The following LIMCH1 variants were observed in gnomAD, a reference collection of about 807,000 sequenced individuals.
The protein encoded by LIMCH1 is LIM and calponin homology domains 1, also known as LIM and calponin homology domains-containing protein 1.
In LIMCH1, 113 loss-of-function variants were observed where a neutral mutation model predicts 176.5. The ratio of observed to expected loss-of-function variants is 0.64; its 90% CI spans 0.55 to 0.75. The LOEUF (loss-of-function observed/expected upper bound fraction) is 0.75. LIMCH1 is among the 30% of genes least tolerant of loss of function. LIMCH1 has a pLI of 0.00. For synonymous variants in LIMCH1, 619 were observed against 645.9 expected (o/e 0.96, Z 0.63); for missense variants, 1,674 against 1,814.9 (o/e 0.92, Z 1.41).
intron 2 of LIMCH1, among the ~76,000 whole-genome samples, chr4:41,601,282 G>A (rs1267554019): frequency 6.6e-6 from 1 of 152,176 alleles, no homozygotes; most frequent in Admixed American, 6.5e-5. Context: ...GATCATTGCA[G>A]GAAGTGATAA....
intron 1 of LIMCH1, among the ~76,000 whole-genome samples, chr4:41,381,770 C>T (rs2055706401): frequency 6.6e-6 from 1 of 152,158 alleles, no homozygotes; most frequent in Non-Finnish European, 1.5e-5. Context: ...CAAATTGCCC[C>T]ACTTGCCCCA....
At chr4:41,500,326 C>T (rs777985541) in intron 2 of LIMCH1, among the ~76,000 whole-genome samples, 42 of 152,200 alleles carry the variant, frequency 2.8e-4, no homozygotes, top group Non-Finnish European at 6.0e-4. Context: ...GTTCTTTCTA[C>T]ATTTGTTAGC....
intron 2 of LIMCH1, among the ~76,000 whole-genome samples, chr4:41,508,231 T>G (rs1206541692): frequency 2.0e-5 from 3 of 152,112 alleles, no homozygotes; most frequent in Non-Finnish European, 4.4e-5. Flanking sequence ...GTGGTTTGAT[T>G]CCCAAGAGCA....
intron 4 of LIMCH1, among the ~76,000 whole-genome samples, chr4:41,607,568 A>C (rs1312154899): frequency 6.6e-6 from 1 of 152,254 alleles, no homozygotes; most frequent in Non-Finnish European, 1.5e-5. Context: ...GAATAATAAT[A>C]GATGGGTCAT....
intron 30 of LIMCH1, among the ~76,000 whole-genome samples, chr4:41,691,628 T>TG (rs1334155876): frequency 2.0e-5 from 3 of 147,424 alleles, no homozygotes; most frequent in Admixed American, 6.7e-5. Context: ...CCAGGCGTGG[T>TG]GGCACACGCC....
intron 1 of LIMCH1, among the ~76,000 whole-genome samples, chr4:41,401,560 T>C (rs1317971094): frequency 6.6e-6 from 1 of 152,192 alleles, no homozygotes; most frequent in Non-Finnish European, 1.5e-5. Flanking sequence ...TTTTTCCAAT[T>C]CTGTGAAGAA....
chr4:41,561,409 C>T (rs989808912), intron 1 of LIMCH1, among the ~76,000 whole-genome samples: 2 of 152,064 alleles, frequency 1.3e-5, no homozygotes, highest in African/African-American at 2.4e-5. Flanking sequence ...AGGGCTTGTT[C>T]GTAAATGATG....
chr4:41,661,691 GC>G (rs1327929595), intron 19 of LIMCH1, among the ~76,000 whole-genome samples, 181 bp downstream of exon 19: 5 of 152,128 alleles, frequency 3.3e-5, no homozygotes, highest in African/African-American at 1.2e-4. Flanking sequence ...GGTTAATGTT[GC>G]TGTGAAAATA....
chr4:41,587,258 G>A (rs1447851617), intron 1 of LIMCH1, among the ~76,000 whole-genome samples: 2 of 152,138 alleles, frequency 1.3e-5, no homozygotes, highest in Non-Finnish European at 2.9e-5. Flanking sequence ...CTGCCCTAGG[G>A]AGTCTCATTT....
rs936056901 is a variant in LIMCH1 at position 41,425,192 on chromosome 4, G to C, written c.96+64256G>C. On this transcript the variant is annotated intron_variant, in intron 1 of 26. Coordinates refer to the LIMCH1 transcript ENST00000313860. ...TTTAAACATGGAACAGATGTAAAAA[G>C]TAATTTGCTTGTTTTAATACAGAGA... Among the ~76,000 whole-genome samples the C allele has an allele frequency of 7.9e-5, 12 of 152,202 alleles. 1 individual carries two copies. The highest frequency in any genetic ancestry group is 1.5e-5 in the Non-Finnish European group (1 of 68,032).
At chr4:41,472,437 T>C (rs572309168) in intron 1 of LIMCH1, among the ~76,000 whole-genome samples, 34 of 151,784 alleles carry the variant, frequency 2.2e-4, no homozygotes, top group African/African-American at 7.7e-4. Context: ...TTTCTTTCTT[T>C]CTGACAGGGT....
intron 1 of LIMCH1, among the ~76,000 whole-genome samples, chr4:41,398,372 G>A (rs2154115462): frequency 6.6e-6 from 1 of 152,144 alleles, no homozygotes; most frequent in Admixed American, 6.5e-5. Flanking sequence ...CAGACTGTGG[G>A]CTCATCAATT....
intron 1 of LIMCH1, among the ~76,000 whole-genome samples, chr4:41,553,999 C>A (rs2080897680): frequency 6.6e-6 from 1 of 152,152 alleles, no homozygotes; most frequent in Non-Finnish European, 1.5e-5. Context: ...GGTGTGGTGG[C>A]CAGCTTTGTT....
chr4:41,422,665 T>C (rs769060556), intron 1 of LIMCH1, among the ~76,000 whole-genome samples: 1 of 152,218 alleles, frequency 6.6e-6, no homozygotes, highest in Non-Finnish European at 1.5e-5. Context: ...ATATAATCAA[T>C]TTGGGACTAA....
intron 1 of LIMCH1, among the ~76,000 whole-genome samples, chr4:41,408,250 G>A (rs764157303): frequency 6.6e-6 from 1 of 152,180 alleles, no homozygotes; most frequent in Non-Finnish European, 1.5e-5. Flanking sequence ...AGATGGTTGA[G>A]TAGAGATGGC....
chr4:41,596,024 G>C (rs2088703928), intron 1 of LIMCH1, among the ~76,000 whole-genome samples: 1 of 145,654 alleles, frequency 6.9e-6, no homozygotes, highest in South Asian at 2.1e-4. Context: ...ACTCCAGCCT[G>C]GGTGACAGAG....
At chr4:41,629,358 G>A in intron 8 of LIMCH1, 134 bp from the exon 9 acceptor site, 1 of 1,069,592 alleles carries the variant, frequency 9.3e-7, no homozygotes, top group Non-Finnish European at 1.3e-6. Flanking sequence ...CCATTTTTGA[G>A]AAAGAGAAAA....
At chr4:41,371,345 A>G (rs1237263164) in intron 1 of LIMCH1, among the ~76,000 whole-genome samples, 2 of 152,224 alleles carry the variant, frequency 1.3e-5, no homozygotes, top group African/African-American at 2.4e-5. Context: ...GATAATTGTC[A>G]GTAGGGTGGT....
chr4:41,465,977 G>C, intron 1 of LIMCH1, among the ~76,000 whole-genome samples: 1 of 37,086 alleles, frequency 2.7e-5, no homozygotes, highest in South Asian at 8.0e-4. Context: ...TTTTTTTTTT[G>C]AGTCAGAGTC....
Sources: allele counts gnomAD v4.1 joint callset (sites outside exome capture counted in the v4.1 genomes callset), GRCh38; gene constraint gnomAD v4.1.1; transcripts MANE v1.5; gene names NCBI Gene and HGNC (gene_info 2026-07-23, HGNC 2026-07-21).